Variants in NFXL1 observed in about 807,000 individuals in gnomAD.
The protein encoded by NFXL1 is NF-X1-type zinc finger protein NFXL1.
NFXL1 carries 66 observed loss-of-function variants against 123.3 expected under a neutral mutation model. The ratio of observed to expected loss-of-function variants is 0.54; its 90% CI spans 0.44 to 0.66. The LOEUF (loss-of-function observed/expected upper bound fraction) is 0.66. Ranked by LOEUF, NFXL1 falls within the 30% of genes least tolerant of loss-of-function variation. The probability of loss-of-function intolerance (pLI) is 0.00; values close to 1 mark genes in which losing one functional copy is unlikely to be tolerated. For synonymous variants in NFXL1, 346 were observed against 360.8 expected (o/e 0.96, Z 0.46); for missense variants, 944 against 1,125.6 (o/e 0.84, Z 2.31).
intron 19 of NFXL1, among the ~76,000 whole-genome samples, chr4:47,860,263 AT>A (rs1302750357): frequency 1.3e-5 from 2 of 152,228 alleles, no homozygotes; most frequent in African/African-American, 4.8e-5. Flanking sequence ...TTTAAAAAAA[AT>A]AAAATAACTG....
At position 47,894,180 on chromosome 4, in the gene NFXL1, C is replaced by T; in HGVS notation, c.1452G>A (p.Lys484=). 3 of 1,593,854 alleles carry T rather than the reference C, an allele frequency of 1.9e-6. No homozygotes were observed. The highest frequency in any genetic ancestry group is 2.6e-6 in the Non-Finnish European group (3 of 1,170,486). Residue 484 remains lysine (K), a splice_region_variant and synonymous_variant, in exon 11 of 23, where the codon AAG becomes AAA. Transcript: ENST00000507489. ...RDCQKHQCRR[K]CCPGNCPPCD... ...AGGTTTCCAAGGTTAATACACAAAC[C>T]TTTCTTCTACATTGATGCTTCTGAC...
intron 19 of NFXL1, among the ~76,000 whole-genome samples, chr4:47,860,172 T>A (rs1734675034): frequency 6.6e-6 from 1 of 152,162 alleles, no homozygotes; most frequent in Non-Finnish European, 1.5e-5. Context: ...CTCAACTTAG[T>A]CATTCCACAA....
chr4:47,848,938 G>A (rs1577976984), intron 22 of NFXL1, among the ~76,000 whole-genome samples: 1 of 151,872 alleles, frequency 6.6e-6, no homozygotes, highest in Non-Finnish European at 1.5e-5. Context: ...ATTAAATCAG[G>A]ATGCTCTAAA....
chr4:47,879,503 C>T lies in NFXL1; in HGVS notation c.1917-386G>A, dbSNP rs930269146. On this transcript the variant is annotated intron_variant, in intron 15 of 22. Coordinates refer to ENST00000507489, the MANE Select transcript of NFXL1 (RefSeq NM_001278624.2). ...AAATTATTAAGATGTAGTTTATTTC[C>T]AATTTGATCCAGATTCAACATGATT... 2.6e-5 allele frequency among the ~76,000 whole-genome samples: 4 copies of T among 152,032 alleles called. No individual in the cohort carries two copies. The East Asian group carries it at 7.7e-4, about 29-fold the overall frequency.
chr4:47,859,728 G>C (rs929336050), intron 19 of NFXL1, among the ~76,000 whole-genome samples: 1 of 150,002 alleles, frequency 6.7e-6, no homozygotes, highest in Non-Finnish European at 1.5e-5. Flanking sequence ...TGTAATCTCA[G>C]CTACTCAGGC....
intron 18 of NFXL1, among the ~76,000 whole-genome samples, chr4:47,870,956 C>T (rs922356213): frequency 1.3e-5 from 2 of 152,148 alleles, no homozygotes; most frequent in African/African-American, 4.8e-5. Flanking sequence ...GGCGAAGGAC[C>T]AAATAAAGAA....
Position 47,890,626 on chromosome 4 carries a change from A to C in NFXL1, c.1530T>G (p.Ser510=). ...TLGCRNHKCP[S]VCHRGSCYPC... ...ATTAAAGTTTACCTCTGTGACAGACAGATGGACACTTATGGTTTCTACATC... is the reference window on the plus strand; with the variant it reads ...ATTAAAGTTTACCTCTGTGACAGACCGATGGACACTTATGGTTTCTACATC... Residue 510 remains serine, a synonymous_variant, in exon 12 of 23, where the codon TCT becomes TCG. Transcript: ENST00000507489. 6.3e-7 allele frequency: 1 copy of C among 1,591,248 alleles called. No individual in the cohort carries two copies. The highest frequency in any genetic ancestry group is 8.6e-7 in the Non-Finnish European group (1 of 1,159,566).
chr4:47,876,863 A>G (rs1235412328), intron 17 of NFXL1: 1 of 323,642 alleles, frequency 3.1e-6, no homozygotes, highest in African/African-American at 2.2e-5. Flanking sequence ...GGAAAAGGAC[A>G]ACAAAGACAA....
chr4:47,866,535 G>A (rs1735087849), intron 18 of NFXL1, among the ~76,000 whole-genome samples: 1 of 152,084 alleles, frequency 6.6e-6, no homozygotes, highest in Non-Finnish European at 1.5e-5. Flanking sequence ...ATCCCCTCCT[G>A]TATCTCCCAC....
intron 8 of NFXL1, 142 bp from the exon 9 acceptor site, chr4:47,898,223 G>T: frequency 1.7e-6 from 1 of 591,712 alleles, no homozygotes; most frequent in Non-Finnish European, 3.0e-6. Flanking sequence ...ATTTTATACA[G>T]GTGTCATACA....
In NFXL1 at chr4:47,890,652, C is replaced by T. The variant is rs1223935886; in HGVS notation, c.1504G>A (p.Gly502Arg). 1 of 1,610,842 alleles carries T rather than the reference C, an allele frequency of 6.2e-7. No homozygotes were observed. Among genetic ancestry groups the T allele is most frequent in the Non-Finnish European group, 8.5e-7 (1 of 1,177,262 alleles). ...GATGGACACTTATGGTTTCTACATCCTAAAGTCCGTCCACAGTTTTGATCA... is the reference window on the plus strand; with the variant it reads ...GATGGACACTTATGGTTTCTACATCTTAAAGTCCGTCCACAGTTTTGATCA... ...PCDQNCGRTL[G>R]CRNHKCPSVC... is the part of the protein sequence containing the mutation. The change falls in exon 12 of 23, where the codon GGA (glycine) becomes AGA (arginine). Residue 502 changes from glycine to arginine, a missense_variant. By Grantham distance (125) the Gly-to-Arg change is moderately radical (BLOSUM62 -2). Transcript: ENST00000507489.
chr4:47,891,704 T>A (rs1481090982), intron 11 of NFXL1, among the ~76,000 whole-genome samples: 1 of 152,070 alleles, frequency 6.6e-6, no homozygotes, highest in Non-Finnish European at 1.5e-5. Context: ...TATATAAGAG[T>A]AAGTTTCATT....
intron 18 of NFXL1, 39 bp downstream of exon 18, chr4:47,875,088 A>C: frequency 7.3e-7 from 1 of 1,372,050 alleles, no homozygotes; most frequent in South Asian, 1.2e-5. Context: ...CAATTCAACT[A>C]ATTGTAATAA....
chr4:47,854,940 C>CA (rs373169214), intron 20 of NFXL1, 119 bp downstream of exon 20: 5,233 of 199,494 alleles, frequency 0.026, 18 homozygotes, highest in African/African-American at 0.044. Context: ...AATTAAAAGG[C>CA]AAAAAAAAAA....
intron 8 of NFXL1, 111 bp downstream of exon 8, chr4:47,898,646 A>G (rs1361226516): frequency 4.3e-6 from 3 of 694,010 alleles, no homozygotes; most frequent in Non-Finnish European, 7.9e-6. Flanking sequence ...CTGAGTTGCT[A>G]TTCTTCCTTG....
chr4:47,892,528 C>G (rs762557082), intron 11 of NFXL1, among the ~76,000 whole-genome samples: 1 of 152,100 alleles, frequency 6.6e-6, no homozygotes, highest in Non-Finnish European at 1.5e-5. Flanking sequence ...TTCAAGAGAT[C>G]ACACAAGGCT....
chr4:47,856,141 G>A (rs1734398319), intron 19 of NFXL1, among the ~76,000 whole-genome samples: 2 of 152,028 alleles, frequency 1.3e-5, no homozygotes, highest in African/African-American at 4.8e-5. Flanking sequence ...GTCAAAGTCA[G>A]ACTACCTGGA....
At chr4:47,852,141 G>A (rs1372377509) in intron 20 of NFXL1, 199 bp from the exon 21 acceptor site, 28 of 454,918 alleles carry the variant, frequency 6.2e-5, no homozygotes, top group Admixed American at 4.1e-5. Context: ...ACTTAAAAAA[G>A]AGAATACCAT....
rs755285174 is a variant in NFXL1 at position 47,890,629 on chromosome 4, T to C, written c.1527A>G (p.Pro509=). The change falls in exon 12 of 23, where the codon CCA becomes CCG. Residue 509 remains proline (P), a synonymous_variant. Transcript: ENST00000507489. ...AAAGTTTACCTCTGTGACAGACAGA[T>C]GGACACTTATGGTTTCTACATCCTA... ...RTLGCRNHKC[P]SVCHRGSCYP... 2 of 1,596,182 alleles carry C rather than the reference T, an allele frequency of 1.3e-6. No individual in the cohort carries two copies. Among genetic ancestry groups the C allele is most frequent in the East Asian group, 4.5e-5 (2 of 44,716 alleles).
Sources: allele counts gnomAD v4.1 joint callset (sites outside exome capture counted in the v4.1 genomes callset), GRCh38; gene constraint gnomAD v4.1.1; transcripts MANE v1.5; gene names NCBI Gene and HGNC (gene_info 2026-07-23, HGNC 2026-07-21).